SYNPR: variants seen among roughly 807,000 people sequenced by gnomAD.
SYNPR encodes the protein synaptoporin.
Under a neutral mutation model 32.9 loss-of-function variants are expected in SYNPR, and 23 were observed. That is an observed-to-expected ratio of 0.70 (90% confidence interval 0.50 to 0.99). The LOEUF (loss-of-function observed/expected upper bound fraction) is 0.99. Among genes scored for constraint, SYNPR ranks in the 50% least tolerant of loss-of-function variants. The pLI, the probability that SYNPR is intolerant of heterozygous loss-of-function variation, is 0.00. For missense variants in SYNPR, 318 were observed against 349.3 expected, an observed-to-expected ratio of 0.91 and a Z score of 0.71; for synonymous variants, 146 against 135.9, an observed-to-expected ratio of 1.07 and a Z score of -0.52.
chr3:63,495,183 C>A (rs926209714), intron 3 of SYNPR, among the ~76,000 whole-genome samples: 7 of 152,156 alleles, frequency 4.6e-5, no homozygotes, highest in Non-Finnish European at 8.8e-5. Flanking sequence ...TTGAAAGATT[C>A]TTTGCCAAAC....
At chr3:63,459,237 C>G (rs1056208509) in intron 2 of SYNPR, among the ~76,000 whole-genome samples, 1 of 152,086 alleles carries the variant, frequency 6.6e-6, no homozygotes, top group African/African-American at 2.4e-5. Flanking sequence ...GATTTTCATA[C>G]CTCAGTGAAA....
At chr3:63,260,604 A>G (rs2086429939) in intron 2 of SYNPR, among the ~76,000 whole-genome samples, 1 of 152,256 alleles carries the variant, frequency 6.6e-6, no homozygotes. Context: ...GTTAGATCTA[A>G]AACCATAAAA....
chr3:63,547,002 G>A (rs1337030994), intron 3 of SYNPR, among the ~76,000 whole-genome samples: 2 of 152,066 alleles, frequency 1.3e-5, no homozygotes, highest in African/African-American at 4.8e-5. Flanking sequence ...TTCATCTCTT[G>A]AGTCTGGCAT....
At chr3:63,502,375 A>T (rs1160745937) in intron 3 of SYNPR, among the ~76,000 whole-genome samples, 1 of 151,930 alleles carries the variant, frequency 6.6e-6, no homozygotes, top group African/African-American at 2.4e-5. Context: ...GTTAAAACTG[A>T]TGAACCTACA....
intron 4 of SYNPR, among the ~76,000 whole-genome samples, chr3:63,591,225 A>G (rs1464220310): frequency 7.3e-6 from 1 of 137,182 alleles, no homozygotes; most frequent in East Asian, 2.3e-4. Context: ...ATCACTGGCC[A>G]TCAGAGAAAT....
intron 2 of SYNPR, among the ~76,000 whole-genome samples, chr3:63,454,413 T>C (rs1395801830): frequency 6.6e-6 from 1 of 152,212 alleles, no homozygotes; most frequent in Non-Finnish European, 1.5e-5. Context: ...CACCACTTCT[T>C]CTGCTTCCCA....
intron 2 of SYNPR, among the ~76,000 whole-genome samples, chr3:63,301,812 G>C (rs1460148648): frequency 5.9e-5 from 9 of 151,964 alleles, no homozygotes; most frequent in Admixed American, 5.9e-4. Context: ...ATACTTCTGG[G>C]TTTTGTAAAG....
intron 1 of SYNPR, among the ~76,000 whole-genome samples, chr3:63,237,939 A>C (rs377407741): frequency 4.7e-4 from 72 of 152,120 alleles, no homozygotes; most frequent in African/African-American, 1.7e-3. Context: ...CCAGATGCTA[A>C]TATTTGGTAG....
chr3:63,221,157 C>T, the SYNPR span, among the ~76,000 whole-genome samples: 12 of 152,062 alleles, frequency 7.9e-5, no homozygotes, highest in East Asian at 3.9e-4. Flanking sequence ...GTCAAACAGG[C>T]GCTTGGGTAA....
intron 2 of SYNPR, among the ~76,000 whole-genome samples, chr3:63,466,870 C>T (rs1700692322): frequency 2.0e-5 from 3 of 152,322 alleles, no homozygotes; most frequent in South Asian, 4.1e-4. Flanking sequence ...TCTCAAAATA[C>T]AGACACACTG....
At chr3:63,600,476 G>A (rs768810067) in intron 4 of SYNPR, among the ~76,000 whole-genome samples, 1 of 152,100 alleles carries the variant, frequency 6.6e-6, no homozygotes, top group Non-Finnish European at 1.5e-5. Flanking sequence ...TTTCTGCAAG[G>A]TATCCTCAAA....
intron 3 of SYNPR, among the ~76,000 whole-genome samples, chr3:63,503,172 T>C (rs1293227310): frequency 6.6e-6 from 1 of 152,158 alleles, no homozygotes; most frequent in Non-Finnish European, 1.5e-5. Context: ...ATCTCATTCT[T>C]TTAATTTGTA....
intron 4 of SYNPR, among the ~76,000 whole-genome samples, chr3:63,557,289 G>C (rs1341248981): frequency 3.9e-5 from 6 of 152,048 alleles, no homozygotes; most frequent in African/African-American, 1.4e-4. Flanking sequence ...GGGTACCTAG[G>C]CATAGATAAT....
intron 2 of SYNPR, among the ~76,000 whole-genome samples, chr3:63,334,558 G>GT (rs1491542549): frequency 8.2e-4 from 118 of 144,418 alleles, no homozygotes; most frequent in African/African-American, 2.1e-3. Flanking sequence ...GTGTGTGTGT[G>GT]GACACACGTG....
chr3:63,351,043 T>G (rs1201051053), intron 2 of SYNPR, among the ~76,000 whole-genome samples: 1 of 152,202 alleles, frequency 6.6e-6, no homozygotes, highest in Non-Finnish European at 1.5e-5. Context: ...TCTTGCATTT[T>G]TTTTCTCTAG....
At chr3:63,497,940 G>A (rs1237152620) in intron 3 of SYNPR, among the ~76,000 whole-genome samples, 4 of 152,108 alleles carry the variant, frequency 2.6e-5, no homozygotes, top group Non-Finnish European at 5.9e-5. Context: ...GATAAACAGT[G>A]TGTCTCTGGT....
chr3:63,506,340 C>T (rs1701587971), intron 3 of SYNPR, among the ~76,000 whole-genome samples: 1 of 152,008 alleles, frequency 6.6e-6, no homozygotes. Flanking sequence ...TTAATGATAC[C>T]CAAAAAGCTA....
chr3:63,355,041 G>A (rs757569134), intron 2 of SYNPR, among the ~76,000 whole-genome samples: 5 of 152,186 alleles, frequency 3.3e-5, no homozygotes, highest in Non-Finnish European at 5.9e-5. Flanking sequence ...CACTTTGGGA[G>A]GCCAAGGCAG....
intron 5 of SYNPR, among the ~76,000 whole-genome samples, chr3:63,612,158 AT>A (rs1193255796): frequency 1.3e-5 from 2 of 152,190 alleles, no homozygotes; most frequent in Non-Finnish European, 2.9e-5. Flanking sequence ...TAGTTTTATC[AT>A]CTGTAAAGTG....
Sources: allele counts gnomAD v4.1 joint callset (sites outside exome capture counted in the v4.1 genomes callset), GRCh38; gene constraint gnomAD v4.1.1; transcripts MANE v1.5; gene names NCBI Gene and HGNC (gene_info 2026-07-23, HGNC 2026-07-21).